The following GALNTL6 variants were observed in gnomAD, a reference collection of about 807,000 sequenced individuals.
The protein encoded by GALNTL6 is polypeptide N-acetylgalactosaminyltransferase-like 6.
Under a neutral mutation model 73.7 loss-of-function variants are expected in GALNTL6, and 46 were observed. The ratio of observed to expected loss-of-function variants is 0.62; its 90% CI spans 0.49 to 0.80. GALNTL6 has a LOEUF of 0.80. Among genes scored for constraint, GALNTL6 ranks in the 30% least tolerant of loss-of-function variants. The pLI, the probability that GALNTL6 is intolerant of heterozygous loss-of-function variation, is 0.00. For synonymous variants in GALNTL6, 259 were observed against 263.7 expected (o/e 0.98, Z 0.17); for missense variants, 604 against 755.0 (o/e 0.80, Z 2.34).
chr4:171,984,112 C>T (rs943668144), intron 2 of GALNTL6, among the ~76,000 whole-genome samples: 1 of 152,066 alleles, frequency 6.6e-6, no homozygotes, highest in Non-Finnish European at 1.5e-5. Context: ...GGATGCAGTG[C>T]ATTGTGGTTT....
chr4:172,435,852 G>T (rs965541807), intron 5 of GALNTL6, among the ~76,000 whole-genome samples: 2 of 151,954 alleles, frequency 1.3e-5, no homozygotes, highest in African/African-American at 4.8e-5. Flanking sequence ...AACATGTTTT[G>T]GGAAACTGGG....
intron 5 of GALNTL6, among the ~76,000 whole-genome samples, chr4:172,650,214 G>A (rs1292315277): frequency 1.3e-5 from 2 of 152,148 alleles, no homozygotes; most frequent in African/African-American, 2.4e-5. Context: ...CCTCTAACCT[G>A]CCTTTGCACC....
chr4:172,765,689 A>G (rs1412333458), intron 5 of GALNTL6, among the ~76,000 whole-genome samples: 2 of 152,088 alleles, frequency 1.3e-5, no homozygotes, highest in Non-Finnish European at 2.9e-5. Context: ...TTAGATGTTG[A>G]CAGTTTTGTG....
At chr4:171,824,923 C>T (rs1277534371) in intron 2 of GALNTL6, among the ~76,000 whole-genome samples, 1 of 152,096 alleles carries the variant, frequency 6.6e-6, no homozygotes, top group Non-Finnish European at 1.5e-5. Flanking sequence ...CTCATGTGGT[C>T]CCACCTGTCA....
At chr4:172,746,599 G>T (rs1021663674) in intron 5 of GALNTL6, among the ~76,000 whole-genome samples, 2 of 151,400 alleles carry the variant, frequency 1.3e-5, no homozygotes, top group African/African-American at 4.9e-5. Flanking sequence ...TTTTATTTTT[G>T]AATTTTCTTT....
chr4:172,858,886 AG>A (rs1333041487), intron 7 of GALNTL6, among the ~76,000 whole-genome samples: 1 of 152,188 alleles, frequency 6.6e-6, no homozygotes, highest in African/African-American at 2.4e-5. Flanking sequence ...AATATACATT[AG>A]AAAAACTATA....
intron 5 of GALNTL6, among the ~76,000 whole-genome samples, chr4:172,750,594 T>G (rs1560926432): frequency 6.6e-6 from 1 of 152,230 alleles, no homozygotes; most frequent in Non-Finnish European, 1.5e-5. Flanking sequence ...TTTCCTTCAC[T>G]CTTGCAAATC....
intron 5 of GALNTL6, among the ~76,000 whole-genome samples, chr4:172,452,809 A>G (rs1000559453): frequency 1.1e-4 from 17 of 152,228 alleles, no homozygotes; most frequent in African/African-American, 2.9e-4. Flanking sequence ...TTCATAATCT[A>G]TTGTATTCAC....
chr4:172,160,393 A>G (rs1734419540), intron 2 of GALNTL6, among the ~76,000 whole-genome samples: 1 of 152,128 alleles, frequency 6.6e-6, no homozygotes, highest in Non-Finnish European at 1.5e-5. Flanking sequence ...GCCCAGGAGC[A>G]TAAACAGGCT....
intron 5 of GALNTL6, among the ~76,000 whole-genome samples, chr4:172,710,249 T>TA (rs1002443599): frequency 6.6e-6 from 1 of 152,104 alleles, no homozygotes; most frequent in Non-Finnish European, 1.5e-5. Flanking sequence ...AACAACATTC[T>TA]AAAAAATGTT....
chr4:172,468,211 A>G (rs1732910665), intron 5 of GALNTL6, among the ~76,000 whole-genome samples: 3 of 152,130 alleles, frequency 2.0e-5, no homozygotes, highest in South Asian at 4.1e-4. Context: ...CAATACTGTG[A>G]TTTAAAATAA....
chr4:172,871,366 G>A (rs1408068456), intron 7 of GALNTL6, among the ~76,000 whole-genome samples: 2 of 152,138 alleles, frequency 1.3e-5, no homozygotes, highest in African/African-American at 4.8e-5. Context: ...AACAGAAACA[G>A]GGTTACGTGC....
chr4:172,995,097 A>C (rs1390344855), intron 10 of GALNTL6, among the ~76,000 whole-genome samples: 1 of 152,172 alleles, frequency 6.6e-6, no homozygotes, highest in Non-Finnish European at 1.5e-5. Context: ...GTGGCTTTTC[A>C]TGATTGTACT....
intron 2 of GALNTL6, among the ~76,000 whole-genome samples, chr4:172,102,233 G>C (rs1366887804): frequency 6.6e-6 from 1 of 152,120 alleles, no homozygotes; most frequent in Non-Finnish European, 1.5e-5. Flanking sequence ...TAGAAAGCTA[G>C]GATATGTCTT....
chr4:173,005,624 G>A (rs1485538698), intron 10 of GALNTL6, among the ~76,000 whole-genome samples: 1 of 152,192 alleles, frequency 6.6e-6, no homozygotes, highest in African/African-American at 2.4e-5. Flanking sequence ...GAGTTTGTGA[G>A]CAAAATGAGA....
intron 5 of GALNTL6, among the ~76,000 whole-genome samples, chr4:172,747,332 AC>A (rs528976052): frequency 1.4e-3 from 206 of 152,184 alleles, no homozygotes; most frequent in Non-Finnish European, 2.4e-3. Context: ...AAAACAAATA[AC>A]CCCATTAAAA....
rs778156050 is a variant in GALNTL6 at position 172,206,805 on chromosome 4, G to GTTTTTTTTTTTTTTTTTTTTTTTTTTTTT, written c.139-22843_139-22842insTTTTTTTTTTTTTTTTTTTTTTTTTTTTT. On this transcript the variant is annotated intron_variant, in intron 2 of 12. Transcript: ENST00000506823. Reference sequence around the variant, plus strand: ...TTGTTTTGTTTTGTTTTGTTTTTCTGTTTTTTTTGTTTGTTTTTTTTTTTT... The same window carrying GTTTTTTTTTTTTTTTTTTTTTTTTTTTTT: ...TTGTTTTGTTTTGTTTTGTTTTTCTGTTTTTTTTTTTTTTTTTTTTTTTTTTTTTTTTTTTTTGTTTGTTTTTTTTTTTT... 1.5e-4 allele frequency among the ~76,000 whole-genome samples: 4 copies of GTTTTTTTTTTTTTTTTTTTTTTTTTTTTT among 26,130 alleles called. 1 individual carries two copies. Among genetic ancestry groups the GTTTTTTTTTTTTTTTTTTTTTTTTTTTTT allele is most frequent in the African/African-American group, 2.9e-4 (3 of 10,512 alleles). The allele number at this position is 26,130 out of a possible 152,430, so 17.1% of individuals were successfully genotyped here.
rs575977355 is a variant in GALNTL6, at chr4:172,768,065, C to G, written c.554-41296C>G. ...ACCCGCCACCAAGGCATTTTTCTCT[C>G]TTTCTTTCTGAGTGATAGATGCTAA... On this transcript the variant is annotated intron_variant, in intron 5 of 12. Coordinates refer to ENST00000506823, the MANE Select transcript of GALNTL6 (RefSeq NM_001034845.3). Among the ~76,000 whole-genome samples the G allele has an allele frequency of 2.1e-4, 32 of 152,258 alleles. 1 individual carries two copies. In the South Asian group the frequency reaches 5.4e-3, roughly 26 times the overall value.
At chr4:171,878,586 T>C (rs963374008) in intron 2 of GALNTL6, among the ~76,000 whole-genome samples, 1 of 152,216 alleles carries the variant, frequency 6.6e-6, no homozygotes, top group African/African-American at 2.4e-5. Context: ...GTATATTATT[T>C]TTTTCATATC....
Sources: gnomAD v4.1 joint callset for allele counts (sites outside exome capture counted in the v4.1 genomes callset) on GRCh38, gnomAD v4.1.1 for gene constraint, MANE v1.5 for transcripts, NCBI Gene and HGNC (gene_info 2026-07-23, HGNC 2026-07-21) for gene names.